The following STK3 variants were observed in gnomAD, a reference collection of about 807,000 sequenced individuals.
STK3 encodes serine/threonine kinase 3, also known as serine/threonine-protein kinase 3.
A neutral mutation model predicts 58.0 loss-of-function variants in STK3; 41 were observed. The observed-to-expected ratio is 0.71, with a 90% CI of 0.55 to 0.92. STK3 has a LOEUF of 0.92. STK3 is among the 40% of genes least tolerant of loss of function. STK3 has a pLI of 0.00. For missense variants in STK3, 479 were observed against 602.7 expected, an observed-to-expected ratio of 0.79 and a Z score of 2.15; for synonymous variants, 170 against 191.0, an observed-to-expected ratio of 0.89 and a Z score of 0.91.
At chr8:98,357,013 T>C in the STK3 span, among the ~76,000 whole-genome samples, 3 of 152,346 alleles carry the variant, frequency 2.0e-5, no homozygotes, top group African/African-American at 7.2e-5. Context: ...AATTGGTGGG[T>C]CTGGTGTTTA....
At chr8:98,394,334 T>A (rs1348576793) in intron 3 of STK3, among the ~76,000 whole-genome samples, 1 of 149,648 alleles carries the variant, frequency 6.7e-6, no homozygotes, top group East Asian at 1.9e-4. Flanking sequence ...CTGATTGAAC[T>A]TTTTTTTTTA....
intron 8 of STK3, among the ~76,000 whole-genome samples, chr8:98,566,041 A>C (rs1586877735): frequency 6.6e-6 from 1 of 152,176 alleles, no homozygotes; most frequent in East Asian, 1.9e-4. Context: ...CAATTTGTTT[A>C]ATTTTAGAAA....
chr8:98,770,321 C>T (rs1261551454), intron 2 of STK3, among the ~76,000 whole-genome samples: 1 of 152,098 alleles, frequency 6.6e-6, no homozygotes, highest in Non-Finnish European at 1.5e-5. Flanking sequence ...AAAATTTAAC[C>T]CAAGCAGCTA....
intron 1 of STK3, among the ~76,000 whole-genome samples, chr8:98,884,750 T>C (rs1837916621): frequency 6.6e-6 from 1 of 152,188 alleles, no homozygotes; most frequent in Admixed American, 6.5e-5. Flanking sequence ...TTTGATTAAT[T>C]TGTCTCCCCC....
chr8:98,730,378 T>C (rs1828086152), intron 4 of STK3, among the ~76,000 whole-genome samples: 1 of 152,140 alleles, frequency 6.6e-6, no homozygotes, highest in Non-Finnish European at 1.5e-5. Flanking sequence ...TAAAGGTATA[T>C]AGTGAAAATG....
Position 98,706,647 on chromosome 8 carries a change from T to C in STK3, c.517-13A>G. The C allele has an allele frequency of 1.3e-6, 2 of 1,564,262 alleles. No homozygotes were observed. The highest frequency in any genetic ancestry group is 8.6e-7 in the Non-Finnish European group (1 of 1,157,546). ...TTGCCATTGTATCCTGCAATAATGT[T>C]ACATAGCCATAAATGCTACTACAAA... On this transcript the variant is annotated splice_polypyrimidine_tract_variant and intron_variant, in intron 5 of 10. Transcript: ENST00000419617.
chr8:98,365,810 TA>T, the STK3 span, among the ~76,000 whole-genome samples: 1 of 152,266 alleles, frequency 6.6e-6, no homozygotes, highest in South Asian at 2.1e-4. Context: ...AACTTGCTTT[TA>T]TTGCTCAAAA....
At chr8:98,844,659 T>C (rs1408312713) in intron 3 of STK3, among the ~76,000 whole-genome samples, 1 of 152,028 alleles carries the variant, frequency 6.6e-6, no homozygotes, top group African/African-American at 2.4e-5. Context: ...AGAGATGGGG[T>C]TTCACCATGT....
chr8:98,505,859 C>CTA (rs1824019626), intron 10 of STK3, among the ~76,000 whole-genome samples: 1 of 152,184 alleles, frequency 6.6e-6, no homozygotes, highest in African/African-American at 2.4e-5. Flanking sequence ...GGTCAGGGAC[C>CTA]CACTTGAGGA....
chr8:98,849,719 T>C (rs1215983863), intron 3 of STK3, among the ~76,000 whole-genome samples: 1 of 152,086 alleles, frequency 6.6e-6, no homozygotes, highest in African/African-American at 2.4e-5. Context: ...TAATTTCAGA[T>C]ACCAAAAGAG....
In STK3 at chr8:98,851,402, C is replaced by T. The variant is rs1836464147; in HGVS notation, c.110+32245G>A. On this transcript the variant is annotated intron_variant, in intron 3 of 12. Coordinates refer to the STK3 transcript ENST00000523601. ...GTCATGGTTGAAAAGACAGAGGTTG[C>T]AGAGTCAGAGGGGCCTTCAGATATG... 2.0e-5 allele frequency among the ~76,000 whole-genome samples: 3 copies of T among 152,168 alleles called. No individual in the cohort carries two copies. The South Asian group carries it at 6.2e-4, about 32-fold the overall frequency.
At chr8:98,699,140 C>T (rs1463267327) in intron 6 of STK3, among the ~76,000 whole-genome samples, 1 of 152,220 alleles carries the variant, frequency 6.6e-6, no homozygotes, top group Non-Finnish European at 1.5e-5. Context: ...ACCCTTTCTT[C>T]CAGTTGATCG....
At chr8:98,391,004 A>G (rs534030346), upstream of STK3, among the ~76,000 whole-genome samples, 1 of 152,194 alleles carries the variant, frequency 6.6e-6, no homozygotes, top group Non-Finnish European at 1.5e-5. Context: ...TCTTTGTCAG[A>G]TAATTCTAAC....
At chr8:98,355,115 C>A in the STK3 span, among the ~76,000 whole-genome samples, 2 of 152,198 alleles carry the variant, frequency 1.3e-5, no homozygotes, top group South Asian at 4.1e-4. Context: ...ATCTTCCAGA[C>A]TCTCAATGCC....
At position 98,783,237 on chromosome 8, in the gene STK3, A is replaced by G. The variant is rs1346875313; in HGVS notation, c.27-8418T>C. On this transcript the variant is annotated intron_variant, in intron 1 of 10. Transcript: ENST00000419617. ...TTTCCCAGGATATATAAATGTTTACACTATACTGTAGTCTATTATGTGTAC... is the reference window on the plus strand; with the variant it reads ...TTTCCCAGGATATATAAATGTTTACGCTATACTGTAGTCTATTATGTGTAC... Among the ~76,000 whole-genome samples the G allele has an allele frequency of 3.9e-5, 6 of 152,334 alleles. No individual in the cohort carries two copies. The East Asian group carries it at 1.2e-3, about 29-fold the overall frequency.
chr8:98,643,894 A>G (rs1247653826), intron 6 of STK3, among the ~76,000 whole-genome samples: 1 of 152,142 alleles, frequency 6.6e-6, no homozygotes, highest in Admixed American at 6.6e-5. Context: ...CTGTAGTCCC[A>G]GCTACTCAGG....
chr8:98,795,776 T>A (rs1833121372), intron 1 of STK3, among the ~76,000 whole-genome samples: 1 of 151,368 alleles, frequency 6.6e-6, no homozygotes, highest in African/African-American at 2.4e-5. Flanking sequence ...AAGAACACGA[T>A]CCCATTTACA....
At chr8:98,645,799 CATATATAG>C (rs1820354534) in intron 6 of STK3, among the ~76,000 whole-genome samples, 1 of 146,428 alleles carries the variant, frequency 6.8e-6, no homozygotes, top group Non-Finnish European at 1.6e-5. Flanking sequence ...TATATATATA[CATATATAG>C]ATATAGATAC....
chr8:98,788,587 A>G (rs1029036572), intron 1 of STK3, among the ~76,000 whole-genome samples: 2 of 152,208 alleles, frequency 1.3e-5, no homozygotes, highest in Admixed American at 6.5e-5. Flanking sequence ...GGAAAAAGAC[A>G]TTCCATGCAA....
Sources: allele counts gnomAD v4.1 joint callset (sites outside exome capture counted in the v4.1 genomes callset), GRCh38; gene constraint gnomAD v4.1.1; transcripts MANE v1.5; gene names NCBI Gene and HGNC (gene_info 2026-07-23, HGNC 2026-07-21).